GULP1: variants seen among roughly 807,000 people sequenced by gnomAD.
GULP1 encodes the protein GULP PTB domain containing engulfment adaptor 1, also known as PTB domain-containing engulfment adapter protein 1.
GULP1 carries 19 observed loss-of-function variants against 40.9 expected under a neutral mutation model. That is an observed-to-expected ratio of 0.46 (90% CI 0.32 to 0.68). The LOEUF is 0.68. Among genes scored for constraint, GULP1 ranks in the 30% least tolerant of loss-of-function variants. The pLI is 0.03. For missense variants in GULP1, 312 were observed against 362.2 expected, an observed-to-expected ratio of 0.86 and a Z score of 1.12; for synonymous variants, 119 against 117.6, an observed-to-expected ratio of 1.01 and a Z score of -0.08.
intron 2 of GULP1, among the ~76,000 whole-genome samples, chr2:188,454,331 T>C (rs529968847): frequency 6.6e-6 from 1 of 152,168 alleles, no homozygotes; most frequent in Admixed American, 6.5e-5. Context: ...AGGCACAGAA[T>C]GGGGAGGGCA....
chr2:188,593,898 T>C (rs762646687), intron 11 of GULP1, 42 bp from the exon 12 acceptor site: 7 of 1,062,836 alleles, frequency 6.6e-6, no homozygotes, highest in East Asian at 4.8e-5. Context: ...TTTATTTTGC[T>C]GTAAGCATTT....
intron 4 of GULP1, among the ~76,000 whole-genome samples, chr2:188,490,398 A>G (rs1018476609): frequency 6.6e-6 from 1 of 152,118 alleles, no homozygotes; most frequent in Non-Finnish European, 1.5e-5. Flanking sequence ...TAAAATATGT[A>G]TATGTGTCTG....
chr2:188,477,056 A>G (rs1262859277), intron 2 of GULP1, among the ~76,000 whole-genome samples: 1 of 152,142 alleles, frequency 6.6e-6, no homozygotes, highest in Non-Finnish European at 1.5e-5. Context: ...TTGGATGGAT[A>G]AATAATGCAT....
intron 2 of GULP1, among the ~76,000 whole-genome samples, chr2:188,410,463 C>A (rs1273810717): frequency 6.6e-6 from 1 of 151,898 alleles, no homozygotes; most frequent in Non-Finnish European, 1.5e-5. Flanking sequence ...GGGTTAATAG[C>A]CAAATATATA....
In GULP1 at chr2:188,310,971, AT is replaced by A. The variant is rs1359420411; in HGVS notation, c.-172+18808del. ...AAATTGTATCTAATATTTGTCAGAT[AT>A]TTCTAGAAATGGTCAGCTTAGCTGG... On this transcript the variant is annotated intron_variant, in intron 1 of 11. Coordinates refer to ENST00000409830, the MANE Select transcript of GULP1 (RefSeq NM_016315.4). Among the ~76,000 whole-genome samples, 3 of 152,310 alleles carry A rather than the reference AT, an allele frequency of 2.0e-5. No individual in the cohort carries two copies. The East Asian group carries it at 5.8e-4, about 29-fold the overall frequency.
At chr2:188,299,669 ATTAAC>A (rs1261211798) in intron 1 of GULP1, among the ~76,000 whole-genome samples, 1 of 152,226 alleles carries the variant, frequency 6.6e-6, no homozygotes, top group Non-Finnish European at 1.5e-5. Context: ...ACCTCCTCTT[ATTAAC>A]TTAAATAGAA....
intron 8 of GULP1, chr2:188,569,737 G>A (rs929693948): frequency 2.8e-6 from 1 of 352,446 alleles, no homozygotes; most frequent in South Asian, 3.2e-5. Context: ...TCACTGTCTT[G>A]TGGTTATATT....
intron 10 of GULP1, among the ~76,000 whole-genome samples, chr2:188,585,747 C>T (rs1702238778): frequency 6.6e-6 from 1 of 152,178 alleles, no homozygotes; most frequent in African/African-American, 2.4e-5. Context: ...GCCTCTGGAC[C>T]TTTGATGGGA....
intron 2 of GULP1, among the ~76,000 whole-genome samples, chr2:188,410,140 G>A (rs1331277502): frequency 2.0e-5 from 3 of 152,088 alleles, no homozygotes; most frequent in Admixed American, 6.5e-5. Flanking sequence ...CTGGACAGTT[G>A]CATGGAGAAG....
chr2:188,571,796 A>T (rs1390082582), intron 9 of GULP1, among the ~76,000 whole-genome samples: 2 of 152,190 alleles, frequency 1.3e-5, no homozygotes, highest in African/African-American at 4.8e-5. Flanking sequence ...ATTTATGTGA[A>T]GGGAAGTAAC....
intron 1 of GULP1, among the ~76,000 whole-genome samples, chr2:188,321,709 T>C (rs1430353722): frequency 1.3e-5 from 2 of 151,978 alleles, no homozygotes; most frequent in Admixed American, 1.3e-4. Context: ...GTAAAAAGGA[T>C]CACAGAGTTA....
At chr2:188,452,441 T>G (rs1575350541) in intron 2 of GULP1, among the ~76,000 whole-genome samples, 1 of 152,344 alleles carries the variant, frequency 6.6e-6, no homozygotes, top group Non-Finnish European at 1.5e-5. Flanking sequence ...TGCCAAGAAT[T>G]ACAAAGAGAC....
chr2:188,519,553 A>G (rs955696144), intron 4 of GULP1, among the ~76,000 whole-genome samples: 1 of 152,198 alleles, frequency 6.6e-6, no homozygotes, highest in Non-Finnish European at 1.5e-5. Flanking sequence ...GTGATATGAT[A>G]AATTCAGAGA....
At chr2:188,335,333 A>G (rs1237906050) in intron 1 of GULP1, among the ~76,000 whole-genome samples, 3 of 152,004 alleles carry the variant, frequency 2.0e-5, no homozygotes, top group Non-Finnish European at 4.4e-5. Flanking sequence ...TTGATTCATC[A>G]GTTTGTTGTA....
chr2:188,445,301 A>C (rs1180482405), intron 2 of GULP1, among the ~76,000 whole-genome samples: 1 of 152,146 alleles, frequency 6.6e-6, no homozygotes, highest in Non-Finnish European at 1.5e-5. Context: ...TTAAAGGAAA[A>C]AAAAACAAAA....
At chr2:188,393,953 A>T (rs2050870730) in intron 2 of GULP1, among the ~76,000 whole-genome samples, 1 of 152,082 alleles carries the variant, frequency 6.6e-6, no homozygotes, top group South Asian at 2.1e-4. Context: ...TGCTCTTAGA[A>T]TTCTTTTTTT....
At chr2:188,424,818 T>C (rs550212530) in intron 2 of GULP1, among the ~76,000 whole-genome samples, 54 of 152,134 alleles carry the variant, frequency 3.5e-4, no homozygotes, top group Admixed American at 1.4e-3. Context: ...ATTTGTGCAG[T>C]AGAGTTTCCC....
chr2:188,473,342 AG>A (rs1193348694), intron 2 of GULP1, among the ~76,000 whole-genome samples: 4 of 152,182 alleles, frequency 2.6e-5, no homozygotes, highest in Non-Finnish European at 4.4e-5. Flanking sequence ...AAAGCCAGCT[AG>A]GCCTCTGTCC....
At chr2:188,451,984 G>T (rs950444442) in intron 2 of GULP1, among the ~76,000 whole-genome samples, 17 of 152,166 alleles carry the variant, frequency 1.1e-4, no homozygotes, top group African/African-American at 4.1e-4. Context: ...GAAACATAAA[G>T]ATGTGCAGAA....
Sources: gnomAD v4.1 joint callset for allele counts (sites outside exome capture counted in the v4.1 genomes callset) on GRCh38, gnomAD v4.1.1 for gene constraint, MANE v1.5 for transcripts, NCBI Gene and HGNC (gene_info 2026-07-23, HGNC 2026-07-21) for gene names.